Variants in MACF1 observed in about 807,000 individuals in gnomAD.
The protein encoded by MACF1 is microtubule-actin cross-linking factor 1.
In MACF1, 193 loss-of-function variants were observed where a neutral mutation model predicts 854.8. The ratio of observed to expected loss-of-function variants is 0.23; its 90% CI spans 0.20 to 0.25. MACF1 has a LOEUF of 0.25. MACF1 is among the 10% of genes least tolerant of loss of function. The pLI, the probability that MACF1 is intolerant of heterozygous loss-of-function variation, is 1.00. For missense variants in MACF1, 7,722 were observed against 8,929.1 expected (o/e 0.86, Z 5.45); for synonymous variants, 3,185 against 3,226.7 (o/e 0.99, Z 0.44).
intron 2 of MACF1, among the ~76,000 whole-genome samples, chr1:39,165,688 A>G (rs922661401): frequency 6.6e-6 from 1 of 152,140 alleles, no homozygotes; most frequent in East Asian, 1.9e-4. Context: ...TGTGGTTTCT[A>G]TTGGTTGTTG....
chr1:39,196,675 T>C (rs1266239216), intron 2 of MACF1, among the ~76,000 whole-genome samples: 2 of 152,246 alleles, frequency 1.3e-5, no homozygotes, highest in Admixed American at 1.3e-4. Context: ...CTTTTTTAGT[T>C]ACGGTGTAAC....
rs910561734 is a variant in MACF1 at position 39,442,003 on chromosome 1, C to G, written c.18724C>G (p.Pro6242Ala). ...NTVIKLCTMP[P>A]VGTDLNTVKD... ...TGTGATTAAACTCTGCACCATGCCC[C>G]CTGTTGGCACTGACCTCAATACTGT... Residue 6242 changes from proline to alanine, a missense_variant, in exon 75 of 101, where the codon CCT becomes GCT. This residue lies in a region of MACF1 where 2,807 missense variants were observed against 3,235.8 expected (regional missense o/e 0.87). Coordinates refer to ENST00000564288, the MANE Select transcript of MACF1 (RefSeq NM_001394062.1). 2.5e-6 allele frequency: 4 copies of G among 1,614,072 alleles called. No homozygotes were observed. In the Admixed American group the frequency reaches 6.7e-5, roughly 27 times the overall value.
intron 2 of MACF1, among the ~76,000 whole-genome samples, chr1:39,152,287 C>T (rs1207850227): frequency 6.6e-6 from 1 of 152,102 alleles, no homozygotes; most frequent in African/African-American, 2.4e-5. Flanking sequence ...CAGTGTATAT[C>T]TTTAGGTAAA....
At chr1:39,355,843 A>T (rs1327340891) in intron 44 of MACF1, among the ~76,000 whole-genome samples, 1 of 152,054 alleles carries the variant, frequency 6.6e-6, no homozygotes, top group African/African-American at 2.4e-5. Context: ...GCTCACTGTA[A>T]CAGGTGTGGA....
At chr1:39,407,771 G>C (rs990129769) in intron 58 of MACF1, among the ~76,000 whole-genome samples, 1 of 152,218 alleles carries the variant, frequency 6.6e-6, no homozygotes, top group Non-Finnish European at 1.5e-5. Context: ...CTTACTGTTT[G>C]TGTAAAGGAT....
intron 71 of MACF1, among the ~76,000 whole-genome samples, chr1:39,438,387 G>C (rs1644026300): frequency 6.6e-6 from 1 of 152,204 alleles, no homozygotes; most frequent in South Asian, 2.1e-4. Flanking sequence ...TAGGGGTTTT[G>C]TATCTTAGCA....
intron 1 of MACF1, among the ~76,000 whole-genome samples, chr1:39,230,894 T>TG (rs1228183438): frequency 2.0e-5 from 3 of 152,040 alleles, no homozygotes; most frequent in Admixed American, 6.5e-5. Flanking sequence ...GTGAGGGAAG[T>TG]GGGGAATCAG....
At chr1:39,179,649 G>C (rs1258576672) in intron 2 of MACF1, among the ~76,000 whole-genome samples, 2 of 152,156 alleles carry the variant, frequency 1.3e-5, no homozygotes, top group Non-Finnish European at 2.9e-5. Flanking sequence ...GTTGATGGTA[G>C]AATTTAGACT....
chr1:39,269,915 G>A (rs1645283853), intron 6 of MACF1, among the ~76,000 whole-genome samples: 1 of 152,194 alleles, frequency 6.6e-6, no homozygotes, highest in South Asian at 2.1e-4. Flanking sequence ...ACCAAGACTT[G>A]TCTCTGGGGA....
Position 39,095,918 on chromosome 1 carries a change from C to T in MACF1, c.220+11480C>T, listed in dbSNP as rs1165995218. Among the ~76,000 whole-genome samples, 182 of 151,230 alleles carry T rather than the reference C, an allele frequency of 1.2e-3. 1 individual carries two copies. The highest frequency in any genetic ancestry group is 4.4e-3 in the African/African-American group (179 of 40,862). ...GTGCAATGGCTCATGCCTGTAATCCCAACACTTTGGGAGGCCAAGGCAGGA... is the reference window on the plus strand; with the variant it reads ...GTGCAATGGCTCATGCCTGTAATCCTAACACTTTGGGAGGCCAAGGCAGGA... On this transcript the variant is annotated intron_variant, in intron 2 of 93. Transcript: ENST00000361689.
intron 44 of MACF1, among the ~76,000 whole-genome samples, chr1:39,356,998 T>C (rs904541272): frequency 1.3e-5 from 2 of 152,214 alleles, no homozygotes; most frequent in African/African-American, 4.8e-5. Context: ...GCATACTGTT[T>C]AGAGAGTGAC....
At chr1:39,466,673 T>C (rs1057016791) in intron 95 of MACF1, among the ~76,000 whole-genome samples, 1 of 152,148 alleles carries the variant, frequency 6.6e-6, no homozygotes, top group Non-Finnish European at 1.5e-5. Flanking sequence ...TCATTTTCAC[T>C]TGTGGGGCCC....
At chr1:39,261,049 A>G (rs2246160) in intron 6 of MACF1, among the ~76,000 whole-genome samples, 132,935 of 152,120 alleles carry the variant, frequency 0.87, 59,257 homozygotes, top group Non-Finnish European at 0.96. Flanking sequence ...TCAATACACA[A>G]TTAAGGTTCA....
chr1:39,404,203 G>T (rs529220417), intron 58 of MACF1, among the ~76,000 whole-genome samples: 1 of 151,078 alleles, frequency 6.6e-6, no homozygotes, highest in Non-Finnish European at 1.5e-5. Context: ...AGAATAAAAC[G>T]GTTTTTTTTT....
At chr1:39,102,827 C>G in intron 2 of MACF1, 1 of 702,524 alleles carries the variant, frequency 1.4e-6, no homozygotes, top group Non-Finnish European at 2.6e-6. Flanking sequence ...AGAGCTTTTG[C>G]GACTGTGTGG....
chr1:39,388,000 G>A lies in MACF1; in HGVS notation c.15158G>A (p.Arg5053Lys). The A allele has an allele frequency of 6.2e-7, 1 of 1,614,104 alleles. No homozygotes were observed. Among genetic ancestry groups the A allele is most frequent in the Non-Finnish European group, 8.5e-7 (1 of 1,180,000 alleles). ...AGCAACAAGAACCTGGAGAAGCTAA[G>A]AGCTCAACAGGAAGTGCTGCAGGCC... is the stretch of plus-strand genomic sequence containing the variant. Reference protein sequence around the residue: ...ACSNKNLEKLRAQQEVLQALE... With the variant: ...ACSNKNLEKLKAQQEVLQALE... The change falls in exon 58 of 101, where the codon AGA becomes AAA. Residue 5053 changes from arginine to lysine, a missense_variant. Transcript: ENST00000564288.
chr1:39,242,134 G>C (rs1165728122), intron 2 of MACF1, among the ~76,000 whole-genome samples: 1 of 152,074 alleles, frequency 6.6e-6, no homozygotes, highest in Non-Finnish European at 1.5e-5. Flanking sequence ...GATCACTTGA[G>C]ACCAGGAGTT....
At chr1:39,250,196 G>C (rs1002291683) in intron 3 of MACF1, 93 bp downstream of exon 3, 6 of 768,646 alleles carry the variant, frequency 7.8e-6, no homozygotes, top group African/African-American at 7.0e-5. Context: ...AGCCATCACT[G>C]TTTCATCTAT....
chr1:39,327,598 T>C (rs1416846017), intron 36 of MACF1, among the ~76,000 whole-genome samples: 1 of 152,256 alleles, frequency 6.6e-6, no homozygotes, highest in Admixed American at 6.5e-5. Context: ...TTTTGTCTTA[T>C]GCCATTTTGT....
Sources: gnomAD v4.1 joint callset for allele counts (sites outside exome capture counted in the v4.1 genomes callset) on GRCh38, gnomAD v4.1.1 for gene constraint, gnomAD v4.1.1 regional missense constraint, MANE v1.5 for transcripts, NCBI Gene and HGNC (gene_info 2026-07-23, HGNC 2026-07-21) for gene names.